The following CBLB variants were observed in gnomAD, a reference collection of about 807,000 sequenced individuals.
The protein encoded by CBLB is E3 ubiquitin-protein ligase CBL-B.
CBLB carries 31 observed loss-of-function variants against 104.9 expected under a neutral mutation model. The observed-to-expected ratio is 0.30, with a 90% CI of 0.22 to 0.40. The LOEUF (loss-of-function observed/expected upper bound fraction) is 0.40. Ranked by LOEUF, CBLB falls within the 10% of genes least tolerant of loss-of-function variation. The pLI is 1.00. For missense variants in CBLB, 1,062 were observed against 1,214.6 expected, an observed-to-expected ratio of 0.87 and a Z score of 1.87; for synonymous variants, 440 against 422.6, an observed-to-expected ratio of 1.04 and a Z score of -0.51.
intron 8 of CBLB, among the ~76,000 whole-genome samples, chr3:105,736,461 C>T (rs886118352): frequency 1.3e-5 from 2 of 152,152 alleles, no homozygotes; most frequent in Non-Finnish European, 2.9e-5. Context: ...CAGAAGTTCC[C>T]ATGTGAGTAT....
chr3:105,694,494 G>T (rs2068090359), intron 12 of CBLB, among the ~76,000 whole-genome samples: 1 of 151,638 alleles, frequency 6.6e-6, no homozygotes, highest in Admixed American at 6.6e-5. Flanking sequence ...ACTGATGGTG[G>T]GGCTAAATAC....
At chr3:105,857,229 A>G (rs1321404800) in intron 2 of CBLB, among the ~76,000 whole-genome samples, 1 of 152,182 alleles carries the variant, frequency 6.6e-6, no homozygotes, top group Non-Finnish European at 1.5e-5. Context: ...TATTTAATTC[A>G]CTATTCTTTA....
At chr3:105,748,968 T>C (rs1485148299) in intron 5 of CBLB, among the ~76,000 whole-genome samples, 1 of 152,192 alleles carries the variant, frequency 6.6e-6, no homozygotes, top group Admixed American at 6.6e-5. Flanking sequence ...ACTAATATCA[T>C]GGCTATAGCT....
chr3:105,728,707 C>T (rs933092588), intron 9 of CBLB, among the ~76,000 whole-genome samples: 19 of 152,224 alleles, frequency 1.2e-4, no homozygotes, highest in African/African-American at 4.3e-4. Context: ...AAGAATGTCT[C>T]TAGAAAGGTG....
chr3:105,657,492 G>A lies in CBLB; in HGVS notation c.*1478C>T. 1 of 209,010 alleles carries A rather than the reference G, an allele frequency of 4.8e-6. No homozygotes were observed. The highest frequency in any genetic ancestry group is 1.9e-4 in the South Asian group (1 of 5,326). The allele number at this position is 209,010 out of a possible 1,614,324, so 12.9% of individuals were successfully genotyped here. A position where few individuals can be genotyped will look rare whatever the true frequency, so the allele number is the denominator to read the frequency against. ...TAATTCTAAATTCTAAAGCCCTGGG[G>A]GAAACCTTCCAGGCTTTGTCTATCA... On this transcript the variant is annotated 3_prime_UTR_variant, in exon 19 of 19. Coordinates refer to ENST00000394030, the MANE Select transcript of CBLB (RefSeq NM_170662.5).
intron 3 of CBLB, among the ~76,000 whole-genome samples, chr3:105,814,811 C>T (rs1051338013): frequency 1.3e-5 from 2 of 152,008 alleles, no homozygotes; most frequent in East Asian, 1.9e-4. Context: ...TTCAATTATC[C>T]CTCATGTCCA....
chr3:105,867,135 C>A (rs940750711), intron 2 of CBLB, among the ~76,000 whole-genome samples: 10 of 152,162 alleles, frequency 6.6e-5, no homozygotes, highest in African/African-American at 2.4e-4. Context: ...TATGGCCATA[C>A]ACCAACAAAA....
intron 9 of CBLB, among the ~76,000 whole-genome samples, chr3:105,730,332 C>G (rs1258535141): frequency 6.6e-6 from 1 of 152,040 alleles, no homozygotes; most frequent in Non-Finnish European, 1.5e-5. Context: ...TTCTAGGATT[C>G]GTTCTCAGAT....
chr3:105,705,139 A>G (rs185024439), intron 10 of CBLB, among the ~76,000 whole-genome samples: 1 of 152,288 alleles, frequency 6.6e-6, no homozygotes, highest in African/African-American at 2.4e-5. Flanking sequence ...GAATGCTAGT[A>G]TTTATAGTTT....
In CBLB at chr3:105,697,984, A is replaced by G. The variant is rs376443591; in HGVS notation, c.1959+4110T>C. Reference sequence around the variant, plus strand: ...CAACAACAATAAATATCTAGCCAACAAGATGTTTATTAAGGAACAGCTTTA... The same window carrying G: ...CAACAACAATAAATATCTAGCCAACGAGATGTTTATTAAGGAACAGCTTTA... On this transcript the variant is annotated intron_variant, in intron 12 of 18. Coordinates refer to ENST00000394030, the MANE Select transcript of CBLB (RefSeq NM_170662.5). Among the ~76,000 whole-genome samples the G allele has an allele frequency of 8.5e-5, 13 of 152,240 alleles. No homozygotes were observed. The East Asian group carries it at 2.3e-3, about 27-fold the overall frequency.
intron 14 of CBLB, among the ~76,000 whole-genome samples, chr3:105,684,015 C>T (rs2066669976): frequency 6.6e-6 from 1 of 152,184 alleles, no homozygotes; most frequent in African/African-American, 2.4e-5. Context: ...TGAAGAAACA[C>T]ATTAAAACAT....
chr3:105,810,056 A>T (rs2084067328), intron 3 of CBLB, among the ~76,000 whole-genome samples: 1 of 152,208 alleles, frequency 6.6e-6, no homozygotes, highest in Non-Finnish European at 1.5e-5. Context: ...TTCAAGATGA[A>T]ATATAAACTA....
upstream of CBLB, chr3:105,869,444 A>G (rs1706784584): frequency 1.2e-5 from 16 of 1,304,566 alleles, 1 homozygote; most frequent in South Asian, 1.8e-4. Flanking sequence ...CTTTTGTTTC[A>G]TAGCAACAGA....
At position 105,679,206 on chromosome 3, in the gene CBLB, C is replaced by T. The variant is rs189910293; in HGVS notation, c.2429-635G>A. On this transcript the variant is annotated intron_variant, in intron 16 of 18. Coordinates refer to ENST00000394030, the MANE Select transcript of CBLB (RefSeq NM_170662.5). Reference sequence around the variant, plus strand: ...CTAAATATAGAACCTTCTCTGGTTCCAAGCACTACTTACATTTGCATATTT... The same window carrying T: ...CTAAATATAGAACCTTCTCTGGTTCTAAGCACTACTTACATTTGCATATTT... Among the ~76,000 whole-genome samples, 662 of 151,894 alleles carry T rather than the reference C, an allele frequency of 4.4e-3. 3 individuals carry two copies. Among genetic ancestry groups the T allele is most frequent in the Non-Finnish European group, 7.0e-3 (476 of 67,954 alleles).
intron 3 of CBLB, among the ~76,000 whole-genome samples, chr3:105,793,233 G>T (rs1039126444): frequency 8.6e-5 from 13 of 152,006 alleles, no homozygotes; most frequent in Non-Finnish European, 1.5e-4. Context: ...AATCCTACAG[G>T]AAATGCCGCT....
chr3:105,723,693 CTCA>C (rs1350287913), intron 9 of CBLB, among the ~76,000 whole-genome samples: 1 of 152,028 alleles, frequency 6.6e-6, no homozygotes, highest in Admixed American at 6.5e-5. Context: ...TTAGTACCAT[CTCA>C]TCATCATCAT....
At chr3:105,806,984 C>G (rs1050507622) in intron 3 of CBLB, among the ~76,000 whole-genome samples, 1 of 152,152 alleles carries the variant, frequency 6.6e-6, no homozygotes, top group South Asian at 2.1e-4. Flanking sequence ...TTGAGCTGCA[C>G]AGGGACACGA....
chr3:105,699,582 A>T (rs902258413), intron 12 of CBLB, among the ~76,000 whole-genome samples: 1 of 152,184 alleles, frequency 6.6e-6, no homozygotes, highest in Admixed American at 6.5e-5. Context: ...ACAGGATCCT[A>T]AGTGATTATG....
At chr3:105,803,361 G>A (rs1487606153) in intron 3 of CBLB, among the ~76,000 whole-genome samples, 1 of 152,146 alleles carries the variant, frequency 6.6e-6, no homozygotes, top group African/African-American at 2.4e-5. Flanking sequence ...CGGCTTGCAT[G>A]TCTCAGATTC....
Sources: gnomAD v4.1 joint callset for allele counts (sites outside exome capture counted in the v4.1 genomes callset) on GRCh38, gnomAD v4.1.1 for gene constraint, MANE v1.5 for transcripts, NCBI Gene and HGNC (gene_info 2026-07-23, HGNC 2026-07-21) for gene names.